DNTTIP1: variants seen among roughly 807,000 people sequenced by gnomAD.
The protein encoded by DNTTIP1 is deoxynucleotidyltransferase terminal interacting protein 1, also known as deoxynucleotidyltransferase terminal-interacting protein 1.
DNTTIP1 carries 22 observed loss-of-function variants against 52.9 expected under a neutral mutation model. The ratio of observed to expected loss-of-function variants is 0.42; its 90% CI spans 0.30 to 0.59. DNTTIP1 has a LOEUF of 0.59. Among genes scored for constraint, DNTTIP1 ranks in the 20% least tolerant of loss-of-function variants. DNTTIP1 has a pLI of 0.22. For synonymous variants in DNTTIP1, 136 were observed against 155.1 expected (o/e 0.88, Z 0.92); for missense variants, 286 against 435.5 (o/e 0.66, Z 3.06).
At chr20:45,801,322 A>G (rs1981461822) in intron 5 of DNTTIP1, 80 bp from the exon 6 acceptor site, 1 of 1,530,510 alleles carries the variant, frequency 6.5e-7, no homozygotes, top group Non-Finnish European at 9.0e-7. Context: ...GCTGTAGTCC[A>G]GGGCTGTCTT....
rs1981757170 is a variant in DNTTIP1 at position 45,809,576 on chromosome 20, T to C, written c.795+391T>C. Among the ~76,000 whole-genome samples, 1 of 152,274 alleles carries C rather than the reference T, an allele frequency of 6.6e-6. No homozygotes were observed. The highest frequency in any genetic ancestry group is 6.5e-5 in the Admixed American group (1 of 15,286). ...ATAGAATCTTTTCTCAACACAGTAC[T>C]TGAGGCAGCAACCCTTGTCAGTAGG... On this transcript the variant is annotated intron_variant, in intron 11 of 12. Coordinates refer to ENST00000372622, the MANE Select transcript of DNTTIP1 (RefSeq NM_052951.3). The surrounding 1 kb of genome is among the most constrained non-coding windows in gnomAD (Gnocchi z 4.2).
chr20:45,801,557 C>T (rs749081588), intron 6 of DNTTIP1, 99 bp downstream of exon 6: 76 of 1,254,360 alleles, frequency 6.1e-5, no homozygotes, highest in African/African-American at 3.6e-4. Flanking sequence ...GGAGGCCAAG[C>T]GGGGAGGATC....
chr20:45,811,053 C>T lies in DNTTIP1; in HGVS notation c.852-4C>T. 4 of 1,613,506 alleles carry T rather than the reference C, an allele frequency of 2.5e-6. No individual in the cohort carries two copies. Among genetic ancestry groups the T allele is most frequent in the Non-Finnish European group, 3.4e-6 (4 of 1,179,582 alleles). ...CCAACTTCTCTCTTCAATGTCTGTT[C>T]CAGAGGATGCCTGGATCTGAAGCTA... is the stretch of plus-strand genomic sequence containing the variant. On this transcript the variant is annotated splice_polypyrimidine_tract_variant and splice_region_variant and intron_variant, in intron 12 of 12. Coordinates refer to ENST00000372622, the MANE Select transcript of DNTTIP1 (RefSeq NM_052951.3).
chr20:45,803,644 A>C (rs530064085), intron 8 of DNTTIP1, among the ~76,000 whole-genome samples: 5 of 152,308 alleles, frequency 3.3e-5, no homozygotes, highest in African/African-American at 1.2e-4. Flanking sequence ...CTGATTCAAT[A>C]CTTAGTATGT....
intron 10 of DNTTIP1, among the ~76,000 whole-genome samples, chr20:45,808,645 GATCAATCAATCA>G (rs140258090): frequency 6.6e-6 from 1 of 151,960 alleles, no homozygotes; most frequent in Non-Finnish European, 1.5e-5. Context: ...CGTCTCAATC[GATCAATCAATCA>G]ATCAATCAAT....
intron 4 of DNTTIP1, among the ~76,000 whole-genome samples, chr20:45,797,915 T>A (rs1222227324): frequency 2.0e-4 from 31 of 152,180 alleles, no homozygotes; most frequent in Admixed American, 2.0e-3. Flanking sequence ...ATTGTGGAAG[T>A]CAGTGTGGCG....
intron 10 of DNTTIP1, 106 bp downstream of exon 10, chr20:45,805,472 A>T: frequency 7.9e-7 from 1 of 1,269,128 alleles, no homozygotes; most frequent in Non-Finnish European, 1.1e-6. Context: ...GAGTCAGGAC[A>T]TCTGGGTTCT....
chr20:45,794,786 T>A (rs1216999358), intron 3 of DNTTIP1, among the ~76,000 whole-genome samples: 69 of 124,350 alleles, frequency 5.5e-4, no homozygotes, highest in Admixed American at 1.2e-3. Context: ...TCATCTCTAC[T>A]AAAAAAAAAA....
chr20:45,810,291 G>A (rs1030209917), intron 11 of DNTTIP1, among the ~76,000 whole-genome samples: 11 of 152,156 alleles, frequency 7.2e-5, no homozygotes, highest in African/African-American at 1.4e-4. Flanking sequence ...ACTGTAGACC[G>A]AGGCATTGTG....
At position 45,802,088 on chromosome 20, in the gene DNTTIP1, A is replaced by G. The variant is rs781274936; in HGVS notation, c.557+31A>G. 21 of 1,612,568 alleles carry G rather than the reference A, an allele frequency of 1.3e-5. 1 individual carries two copies. The South Asian group carries it at 2.3e-4, about 18-fold the overall frequency. On this transcript the variant is annotated intron_variant, in intron 7 of 12. Coordinates refer to ENST00000372622, the MANE Select transcript of DNTTIP1 (RefSeq NM_052951.3). Reference sequence around the variant, plus strand: ...TAGGGACCAACAGTGTGGTGAGAGCATAGGGGAGCAGACGGAGAGAGGGGC... The same window carrying G: ...TAGGGACCAACAGTGTGGTGAGAGCGTAGGGGAGCAGACGGAGAGAGGGGC...
At chr20:45,800,124 A>G (rs978067417) in intron 4 of DNTTIP1, among the ~76,000 whole-genome samples, 2 of 151,894 alleles carry the variant, frequency 1.3e-5, no homozygotes, top group African/African-American at 2.4e-5. Flanking sequence ...CATGTCAAAA[A>G]AAAAAAGAAA....
chr20:45,801,701 T>C (rs957800120), intron 6 of DNTTIP1, among the ~76,000 whole-genome samples: 1 of 152,116 alleles, frequency 6.6e-6, no homozygotes, highest in Non-Finnish European at 1.5e-5. Flanking sequence ...AGTGGGAGGA[T>C]CACCTGAGCC....
At position 45,810,948 on chromosome 20, in the gene DNTTIP1, C is replaced by T; in HGVS notation, c.851+8C>T. On this transcript the variant is annotated splice_region_variant and intron_variant, in intron 12 of 12. Coordinates refer to ENST00000372622, the MANE Select transcript of DNTTIP1 (RefSeq NM_052951.3). ...GGCCAGTGATGATTACAGGTAAAACCAGTGGGTCTCCTGCCCCTTCTCCTC... is the reference window on the plus strand; with the variant it reads ...GGCCAGTGATGATTACAGGTAAAACTAGTGGGTCTCCTGCCCCTTCTCCTC... The T allele has an allele frequency of 6.2e-7, 1 of 1,614,168 alleles. No homozygotes were observed. The highest frequency in any genetic ancestry group is 1.7e-5 in the Admixed American group (1 of 60,008).
In DNTTIP1 at chr20:45,793,956, G is replaced by C. The variant is rs763369669; in HGVS notation, c.212G>C (p.Arg71Pro). 1.2e-6 allele frequency: 2 copies of C among 1,600,152 alleles called. No homozygotes were observed. Among genetic ancestry groups the C allele is most frequent in the Non-Finnish European group, 1.7e-6 (2 of 1,173,264 alleles). Residue 71 changes from arginine (R) to proline (P), a missense_variant, in exon 3 of 13, where the codon CGA becomes CCA. Around this residue, in one of 2 missense-constraint regions of DNTTIP1, gnomAD observed 208 missense variants for 266.5 expected, o/e 0.78. Coordinates refer to ENST00000372622, the MANE Select transcript of DNTTIP1 (RefSeq NM_052951.3). ...TDPAISMDLLRAVLQPSINEE... is the reference protein window; with the variant it reads ...TDPAISMDLLPAVLQPSINEE... The stretch of plus-strand genomic sequence containing the variant: ...CCTGCCATCTCCATGGATCTCCTCC[G>C]AGCTGTCCTGCAGCCCAGCATCAAC...
chr20:45,792,609 C>T (rs2145695369), intron 1 of DNTTIP1, 68 bp from the exon 2 acceptor site: 4 of 1,277,888 alleles, frequency 3.1e-6, no homozygotes, highest in Non-Finnish European at 4.3e-6. Flanking sequence ...ACTTCATACC[C>T]ACCCTCCACC....
At chr20:45,801,377 C>G in intron 5 of DNTTIP1, 25 bp from the exon 6 acceptor site, 3 of 1,613,912 alleles carry the variant, frequency 1.9e-6, no homozygotes, top group East Asian at 4.5e-5. Flanking sequence ...TGGCCTTCCA[C>G]TGACTCCCTT....
rs77907903 is a variant in DNTTIP1, at chr20:45,809,897, A to G, written c.795+712A>G. 0.015 allele frequency among the ~76,000 whole-genome samples: 2,329 copies of G among 152,268 alleles called. 30 individuals are homozygous for G. The highest frequency in any genetic ancestry group is 0.022 in the Non-Finnish European group (1,522 of 68,024). ...TTATTTTACTACTCTATTTATGCCT[A>G]TGCTTTACTTCAAAAAAGATTTCAG... On this transcript the variant is annotated intron_variant, in intron 11 of 12. Transcript: ENST00000372622. This position sits in a 1 kb window ranked among gnomAD's most constrained non-coding sequence, Gnocchi z 4.2.
rs1298566367 is a variant in DNTTIP1, at chr20:45,809,359, G to C, written c.795+174G>C. ...GCTGAAGAGCAAATTGTAATCTTCAGGTTCCCTTCCCTATCCCTAGGTCTC... is the reference window on the plus strand; with the variant it reads ...GCTGAAGAGCAAATTGTAATCTTCACGTTCCCTTCCCTATCCCTAGGTCTC... On this transcript the variant is annotated intron_variant, in intron 11 of 12. Transcript: ENST00000372622. This position sits in a 1 kb window ranked among gnomAD's most constrained non-coding sequence, Gnocchi z 4.2. 1.3e-5 allele frequency among the ~76,000 whole-genome samples: 2 copies of C among 152,158 alleles called. No individual in the cohort carries two copies. The highest frequency in any genetic ancestry group is 4.8e-5 in the African/African-American group (2 of 41,422).
chr20:45,794,295 C>T (rs1260667750), intron 3 of DNTTIP1, among the ~76,000 whole-genome samples: 2 of 152,020 alleles, frequency 1.3e-5, no homozygotes, highest in African/African-American at 4.8e-5. Context: ...ATTACAGGTG[C>T]CCACCACCTT....
Sources: gnomAD v4.1 joint callset for allele counts (sites outside exome capture counted in the v4.1 genomes callset) on GRCh38, gnomAD v4.1.1 for gene constraint, gnomAD v4.1.1 regional missense constraint, Gnocchi (gnomAD v3.1) non-coding constraint, MANE v1.5 for transcripts, NCBI Gene and HGNC (gene_info 2026-07-23, HGNC 2026-07-21) for gene names.